Variants in ULK4 observed in about 807,000 individuals in gnomAD.
ULK4 encodes inactive serine/threonine-protein kinase ULK4.
In ULK4, 133 loss-of-function variants were observed where a neutral mutation model predicts 160.6. The ratio of observed to expected loss-of-function variants is 0.83; its 90% confidence interval spans 0.72 to 0.96. The LOEUF is 0.96. Among genes scored for constraint, ULK4 ranks in the 40% least tolerant of loss-of-function variants. The pLI is 0.00. For missense variants in ULK4, 1,580 were observed against 1,499.5 expected, an observed-to-expected ratio of 1.05 and a Z score of -0.89; for synonymous variants, 534 against 539.8, an observed-to-expected ratio of 0.99 and a Z score of 0.15.
At chr3:41,803,623 T>A (rs1229896545) in intron 19 of ULK4, among the ~76,000 whole-genome samples, 1 of 152,164 alleles carries the variant, frequency 6.6e-6, no homozygotes, top group East Asian at 1.9e-4. Context: ...CTGCTAATGC[T>A]ATCCCTCCCC....
chr3:41,316,988 T>TAA (rs751000501), intron 35 of ULK4, among the ~76,000 whole-genome samples: 4 of 151,606 alleles, frequency 2.6e-5, no homozygotes, highest in Non-Finnish European at 5.9e-5. Context: ...ACATATTTTC[T>TAA]AAAAACATTA....
chr3:41,613,538 T>A (rs1010026892), intron 31 of ULK4, among the ~76,000 whole-genome samples: 1 of 151,702 alleles, frequency 6.6e-6, no homozygotes, highest in African/African-American at 2.4e-5. Flanking sequence ...ATGTGCATCA[T>A]AGAATCAAGA....
chr3:41,642,476 G>A (rs1419316522), intron 30 of ULK4, among the ~76,000 whole-genome samples: 1 of 152,084 alleles, frequency 6.6e-6, no homozygotes, highest in African/African-American at 2.4e-5. Context: ...TACTGAGAAT[G>A]ATGATTTCCA....
chr3:41,913,780 T>C (rs1698878921), intron 8 of ULK4, among the ~76,000 whole-genome samples: 2 of 152,170 alleles, frequency 1.3e-5, no homozygotes, highest in African/African-American at 4.8e-5. Context: ...CTGGACAATG[T>C]GGCAAAACCC....
rs1257448181 is a variant in ULK4 at position 41,268,977 on chromosome 3, G to A, written c.3679-19403C>T. Among the ~76,000 whole-genome samples the A allele has an allele frequency of 2.6e-5, 4 of 152,072 alleles. No homozygotes were observed. In the East Asian group the frequency reaches 7.7e-4, roughly 29 times the overall value. On this transcript the variant is annotated intron_variant, in intron 35 of 36. Coordinates refer to ENST00000301831, the MANE Select transcript of ULK4 (RefSeq NM_017886.4). ...CACCCTCAGCTGCTCCCTGGACCAA[G>A]CGCTCACTGGCCACGCTGACCCAAC...
chr3:41,562,166 C>G (rs1478351315), intron 32 of ULK4, among the ~76,000 whole-genome samples: 3 of 152,162 alleles, frequency 2.0e-5, no homozygotes, highest in Admixed American at 2.0e-4. Flanking sequence ...TGTAGTCGTG[C>G]AGTTTTGAGT....
chr3:41,279,254 G>GAAAA (rs2079295716), intron 35 of ULK4, among the ~76,000 whole-genome samples: 1 of 54,172 alleles, frequency 1.8e-5, no homozygotes, highest in African/African-American at 1.2e-4. Context: ...GAAAAAAAGA[G>GAAAA]TAAAAAAAAA....
intron 29 of ULK4, among the ~76,000 whole-genome samples, chr3:41,680,818 C>T: frequency 6.6e-6 from 1 of 152,110 alleles, no homozygotes; most frequent in East Asian, 1.9e-4. Context: ...CACCATCTAG[C>T]ATTTGTTTGA....
intron 35 of ULK4, among the ~76,000 whole-genome samples, chr3:41,280,390 A>G (rs150785630): frequency 4.0e-5 from 6 of 151,586 alleles, no homozygotes; most frequent in Non-Finnish European, 8.8e-5. Context: ...TTATTCTAAA[A>G]TTGACCACAT....
In ULK4 at chr3:41,609,050, C is replaced by T. The variant is rs60639310; in HGVS notation, c.3120+6619G>A. ...ACTAGTAACAAGAATGATGATAAAACTCAAGATGCTACTGGCTTGGGAGAA... is the reference window on the plus strand; with the variant it reads ...ACTAGTAACAAGAATGATGATAAAATTCAAGATGCTACTGGCTTGGGAGAA... On this transcript the variant is annotated intron_variant, in intron 31 of 36. Coordinates refer to ENST00000301831, the MANE Select transcript of ULK4 (RefSeq NM_017886.4). 3.6e-3 allele frequency among the ~76,000 whole-genome samples: 544 copies of T among 152,288 alleles called. 4 individuals carry two copies. In the East Asian group the frequency reaches 0.041, roughly 11 times the overall value.
intron 19 of ULK4, among the ~76,000 whole-genome samples, chr3:41,808,251 G>A (rs949167205): frequency 6.6e-6 from 1 of 152,132 alleles, no homozygotes; most frequent in African/African-American, 2.4e-5. Flanking sequence ...CTGACTGTAG[G>A]GGGGAAATGA....
intron 35 of ULK4, among the ~76,000 whole-genome samples, chr3:41,315,370 C>G (rs947669108): frequency 6.6e-6 from 1 of 152,124 alleles, no homozygotes; most frequent in Non-Finnish European, 1.5e-5. Context: ...CATGGTTTGC[C>G]TGTCAGTAGT....
At position 41,667,575 on chromosome 3, in the gene ULK4, G is replaced by A. The variant is rs1449126593; in HGVS notation, c.2979-3876C>T. Among the ~76,000 whole-genome samples the A allele has an allele frequency of 3.3e-5, 5 of 152,136 alleles. No individual in the cohort carries two copies. In the South Asian group the frequency reaches 6.2e-4, roughly 19 times the overall value. On this transcript the variant is annotated intron_variant, in intron 29 of 36. Coordinates refer to ENST00000301831, the MANE Select transcript of ULK4 (RefSeq NM_017886.4). ...CCCTGACTCTTGAAATGGCCTCAGG[G>A]AAGACTAACCAGTGAAGAGCTGGCC...
At position 41,706,784 on chromosome 3, in the gene ULK4, T is replaced by C. The variant is rs2036902775; in HGVS notation, c.2635-1479A>G. Among the ~76,000 whole-genome samples, 6 of 143,690 alleles carry C rather than the reference T, an allele frequency of 4.2e-5. No individual in the cohort carries two copies. In the Admixed American group the frequency reaches 4.5e-4, roughly 11 times the overall value. The allele number at this position is 143,690 out of a possible 152,430, so 94.3% of individuals were successfully genotyped here. A position where few individuals can be genotyped will look rare whatever the true frequency, so the allele number is the denominator to read the frequency against. On this transcript the variant is annotated intron_variant, in intron 25 of 36. Coordinates refer to ENST00000301831, the MANE Select transcript of ULK4 (RefSeq NM_017886.4). ...CGGAGGTTGTAGTGAGCCAAGATCA[T>C]GCCACTGCAGTCCAGCCTGGCCGAC...
At chr3:41,950,952 G>C (rs144988484) in intron 2 of ULK4, among the ~76,000 whole-genome samples, 1 of 151,446 alleles carries the variant, frequency 6.6e-6, no homozygotes, top group African/African-American at 2.4e-5. Context: ...AGACCATCCT[G>C]GCTAACACGG....
chr3:41,879,629 C>T (rs1168725938), intron 17 of ULK4, among the ~76,000 whole-genome samples: 2 of 152,086 alleles, frequency 1.3e-5, no homozygotes, highest in African/African-American at 2.4e-5. Flanking sequence ...GGACCACAGA[C>T]GTGCACCACC....
intron 32 of ULK4, among the ~76,000 whole-genome samples, chr3:41,534,197 A>G (rs1241872644): frequency 6.6e-6 from 1 of 152,232 alleles, no homozygotes; most frequent in African/African-American, 2.4e-5. Context: ...AGTTTAATAA[A>G]AAACCTAATA....
chr3:41,320,395 A>G (rs1248474362), intron 35 of ULK4, among the ~76,000 whole-genome samples: 3 of 152,224 alleles, frequency 2.0e-5, no homozygotes, highest in Non-Finnish European at 4.4e-5. Context: ...TTGCAAGATC[A>G]TAACCCATTT....
At chr3:41,686,345 T>C (rs56055224) in intron 27 of ULK4, among the ~76,000 whole-genome samples, 9,369 of 152,126 alleles carry the variant, frequency 0.062, 923 homozygotes, top group African/African-American at 0.21. Flanking sequence ...AAAGCCAGGG[T>C]TTCTTGGAAG....
Sources: gnomAD v4.1 joint callset for allele counts (sites outside exome capture counted in the v4.1 genomes callset) on GRCh38, gnomAD v4.1.1 for gene constraint, MANE v1.5 for transcripts, NCBI Gene and HGNC (gene_info 2026-07-23, HGNC 2026-07-21) for gene names.